The following COLEC12 variants were observed in gnomAD, a reference collection of about 807,000 sequenced individuals.
COLEC12 encodes collectin-12.
A neutral mutation model predicts 71.1 loss-of-function variants in COLEC12; 33 were observed. That is an observed-to-expected ratio of 0.46 (90% confidence interval 0.35 to 0.62). COLEC12 has a LOEUF of 0.62. Ranked by LOEUF, COLEC12 falls within the 20% of genes least tolerant of loss-of-function variation. COLEC12 has a pLI of 0.00. For missense variants in COLEC12, 765 were observed against 916.1 expected (o/e 0.84, Z 2.13); for synonymous variants, 350 against 353.0 (o/e 0.99, Z 0.10).
chr18:482,205 T>C (rs545797151), intron 1 of COLEC12, among the ~76,000 whole-genome samples: 1 of 150,684 alleles, frequency 6.6e-6, no homozygotes, highest in South Asian at 2.1e-4. Context: ...AACCTCCACC[T>C]CCTGGGTTCA....
At chr18:371,363 CT>C (rs1914994734) in intron 2 of COLEC12, among the ~76,000 whole-genome samples, 1 of 152,166 alleles carries the variant, frequency 6.6e-6, no homozygotes, top group South Asian at 2.1e-4. Context: ...AGAAGTCAAT[CT>C]TCTTGACTTT....
intron 2 of COLEC12, among the ~76,000 whole-genome samples, chr18:370,963 G>A (rs1306028826): frequency 6.6e-6 from 1 of 152,222 alleles, no homozygotes; most frequent in African/African-American, 2.4e-5. Flanking sequence ...GAAGGATTCA[G>A]TGATTCAGAA....
chr18:341,949 C>T (rs888960178), intron 5 of COLEC12, among the ~76,000 whole-genome samples: 3 of 152,092 alleles, frequency 2.0e-5, no homozygotes, highest in African/African-American at 7.2e-5. Flanking sequence ...GAGGAACAGC[C>T]CAGGAGGTGG....
At chr18:452,395 G>A (rs537131550) in intron 2 of COLEC12, among the ~76,000 whole-genome samples, 41 of 152,098 alleles carry the variant, frequency 2.7e-4, no homozygotes, top group Admixed American at 3.3e-4. Context: ...GAGATGAAAC[G>A]GGGAGTACAG....
intron 2 of COLEC12, among the ~76,000 whole-genome samples, chr18:476,583 G>A (rs753598896): frequency 3.2e-4 from 48 of 151,392 alleles, no homozygotes; most frequent in Non-Finnish European, 5.9e-4. Flanking sequence ...TCAGTCTAGC[G>A]CCCCCGCCCC....
chr18:338,210 G>T (rs1914162052), intron 5 of COLEC12, among the ~76,000 whole-genome samples: 1 of 152,174 alleles, frequency 6.6e-6, no homozygotes, highest in Non-Finnish European at 1.5e-5. Flanking sequence ...ACTTCAGATG[G>T]AAGTTTTCTC....
intron 2 of COLEC12, among the ~76,000 whole-genome samples, chr18:457,893 G>A (rs2143727688): frequency 6.6e-6 from 1 of 152,266 alleles, no homozygotes; most frequent in East Asian, 1.9e-4. Context: ...TTACTGGCAG[G>A]ATATAGGTAG....
At chr18:471,598 TATAAA>T (rs999718026) in intron 2 of COLEC12, among the ~76,000 whole-genome samples, 5 of 151,402 alleles carry the variant, frequency 3.3e-5, no homozygotes, top group African/African-American at 4.8e-5. Context: ...TTAAAGTTTA[TATAAA>T]ATAATTTTAA....
chr18:426,396 T>C (rs4797146), intron 2 of COLEC12, among the ~76,000 whole-genome samples: 27,750 of 152,118 alleles, frequency 0.18, 2,817 homozygotes, highest in Middle Eastern at 0.24. Flanking sequence ...ATTTTACTAC[T>C]GTGTAAGTTG....
intron 2 of COLEC12, among the ~76,000 whole-genome samples, chr18:394,710 TGAG>T (rs1339227885): frequency 6.6e-6 from 1 of 152,202 alleles, no homozygotes; most frequent in East Asian, 1.9e-4. Flanking sequence ...AAGAAGAAGC[TGAG>T]GCCCTTTCGA....
intron 1 of COLEC12, among the ~76,000 whole-genome samples, chr18:499,228 TC>T: frequency 6.6e-6 from 1 of 152,258 alleles, no homozygotes; most frequent in African/African-American, 2.4e-5. Flanking sequence ...ATTTTGAAAT[TC>T]TCTAGGTAGG....
At chr18:412,524 G>A (rs1242580673) in intron 2 of COLEC12, among the ~76,000 whole-genome samples, 1 of 151,314 alleles carries the variant, frequency 6.6e-6, no homozygotes, top group African/African-American at 2.4e-5. Flanking sequence ...TTCAATATTA[G>A]GAAGGAAGAA....
intron 2 of COLEC12, among the ~76,000 whole-genome samples, chr18:460,761 T>C (rs1916967337): frequency 7.5e-6 from 1 of 134,104 alleles, no homozygotes. Context: ...ATGTGCATCC[T>C]CTCTTCTTTC....
At chr18:435,687 C>A (rs905919721) in intron 2 of COLEC12, among the ~76,000 whole-genome samples, 5 of 152,176 alleles carry the variant, frequency 3.3e-5, no homozygotes, top group African/African-American at 1.2e-4. Flanking sequence ...GTGGACAAAG[C>A]ATTCAGAACT....
Position 362,460 on chromosome 18 carries a change from C to G in COLEC12, c.59-4938G>C, listed in dbSNP as rs1914767443. Among the ~76,000 whole-genome samples, 2 of 152,168 alleles carry G rather than the reference C, an allele frequency of 1.3e-5. No homozygotes were observed. Among genetic ancestry groups the G allele is most frequent in the African/African-American group, 4.8e-5 (2 of 41,422 alleles). ...GGCTCCTGTAGCTGGGGCACCCCCT[C>G]CTCCTTGAACCTAGATGGTTACAAA... On this transcript the variant is annotated intron_variant, in intron 2 of 9. Coordinates refer to ENST00000400256, the MANE Select transcript of COLEC12 (RefSeq NM_130386.3). This position sits in a 1 kb window ranked among gnomAD's most constrained non-coding sequence, Gnocchi z 4.6.
In COLEC12 at chr18:480,982, A is replaced by G. The variant is rs1441144225; in HGVS notation, c.8-225T>C. 2.6e-5 allele frequency among the ~76,000 whole-genome samples: 4 copies of G among 152,046 alleles called. No individual in the cohort carries two copies. ...TTCCTAATGTGACTCCTTCGAATTC[A>G]GGTCTTAGCTAAAGTGCGACCCTTC... On this transcript the variant is annotated intron_variant, in intron 1 of 9. Transcript: ENST00000400256. The surrounding 1 kb of genome is among the most constrained non-coding windows in gnomAD (Gnocchi z 4.1).
intron 2 of COLEC12, among the ~76,000 whole-genome samples, chr18:475,314 T>C (rs1242244083): frequency 6.6e-6 from 1 of 152,150 alleles, no homozygotes; most frequent in Non-Finnish European, 1.5e-5. Context: ...TCACTGTGCT[T>C]ACTCAGTCGT....
chr18:387,987 A>AG (rs11377817), intron 2 of COLEC12, among the ~76,000 whole-genome samples: 58,938 of 151,934 alleles, frequency 0.39, 11,653 homozygotes, highest in Admixed American at 0.47. Flanking sequence ...GGGAACACAA[A>AG]GTCCGTTTTG....
At chr18:446,013 T>C (rs904412154) in intron 2 of COLEC12, among the ~76,000 whole-genome samples, 2 of 152,218 alleles carry the variant, frequency 1.3e-5, no homozygotes, top group Non-Finnish European at 2.9e-5. Flanking sequence ...CTTTTGTGCC[T>C]GGCTTCTTTC....
Sources: gnomAD v4.1 joint callset for allele counts (sites outside exome capture counted in the v4.1 genomes callset) on GRCh38, gnomAD v4.1.1 for gene constraint, Gnocchi (gnomAD v3.1) non-coding constraint, MANE v1.5 for transcripts, NCBI Gene and HGNC (gene_info 2026-07-23, HGNC 2026-07-21) for gene names.